Variants in RAB40C observed in about 807,000 individuals in gnomAD.
The protein encoded by RAB40C is ras-related protein Rab-40C.
RAB40C carries 8 observed loss-of-function variants against 28.1 expected under a neutral mutation model. That is an observed-to-expected ratio of 0.28 (90% CI 0.17 to 0.51). The LOEUF (loss-of-function observed/expected upper bound fraction) is 0.51, where lower values mean the gene tolerates loss of function less well. RAB40C is among the 20% of genes least tolerant of loss of function. The pLI, the probability that RAB40C is intolerant of heterozygous loss-of-function variation, is 0.97. For missense variants in RAB40C, 288 were observed against 405.9 expected (o/e 0.71, Z 2.50); for synonymous variants, 201 against 171.7 (o/e 1.17, Z -1.34).
At chr16:591,887 G>A (rs1414093633) in intron 1 of RAB40C, among the ~76,000 whole-genome samples, 2 of 152,196 alleles carry the variant, frequency 1.3e-5, no homozygotes, top group Admixed American at 6.5e-5. Context: ...GAGCCACTGC[G>A]CCTGGCCTGA....
intron 3 of RAB40C, 28 bp downstream of exon 3, chr16:618,288 C>T (rs752766751): frequency 2.1e-5 from 33 of 1,578,770 alleles, no homozygotes; most frequent in Non-Finnish European, 2.8e-5. Context: ...CTTTCCATTG[C>T]TTTTCAAAGG....
At chr16:617,062 C>A (rs2036601333) in intron 1 of RAB40C, 146 bp from the exon 2 acceptor site, 2 of 825,154 alleles carry the variant, frequency 2.4e-6, no homozygotes, top group East Asian at 2.6e-5. Flanking sequence ...CCGAGATTTC[C>A]CCCTGCCCCA....
At chr16:607,794 A>ACG (rs2036394180) in intron 1 of RAB40C, among the ~76,000 whole-genome samples, 3 of 152,220 alleles carry the variant, frequency 2.0e-5, no homozygotes, top group Admixed American at 6.5e-5. Context: ...CCGTCTCAAA[A>ACG]ACGAAAAGAA....
At chr16:623,987 C>T in intron 3 of RAB40C, 1 of 985,438 alleles carries the variant, frequency 1.0e-6, no homozygotes, top group Non-Finnish European at 1.2e-6. Flanking sequence ...TCTTACCTCA[C>T]CTGGGTTGCA....
At chr16:590,999 C>T (rs969361595) in intron 1 of RAB40C, among the ~76,000 whole-genome samples, 3 of 141,780 alleles carry the variant, frequency 2.1e-5, no homozygotes, top group Non-Finnish European at 4.6e-5. Context: ...GCGTCATGGG[C>T]CAAAAGGAAG....
intron 1 of RAB40C, among the ~76,000 whole-genome samples, chr16:608,562 T>G (rs2036414431): frequency 6.6e-6 from 1 of 152,158 alleles, no homozygotes; most frequent in Non-Finnish European, 1.5e-5. Context: ...GGCATTCCCT[T>G]TACCATCCTG....
chr16:626,393 C>T (rs565047835), intron 5 of RAB40C, among the ~76,000 whole-genome samples: 57 of 152,218 alleles, frequency 3.7e-4, no homozygotes, highest in African/African-American at 1.3e-3. Flanking sequence ...GGGTCCCTGG[C>T]ATTGCTGGTG....
At chr16:608,292 A>G (rs568707775) in intron 1 of RAB40C, among the ~76,000 whole-genome samples, 52 of 152,246 alleles carry the variant, frequency 3.4e-4, no homozygotes, top group African/African-American at 1.2e-3. Flanking sequence ...GCAGGGGGGA[A>G]CCACCCCCAT....
intron 1 of RAB40C, among the ~76,000 whole-genome samples, chr16:595,293 C>G (rs562916619): frequency 7.2e-5 from 11 of 152,332 alleles, no homozygotes; most frequent in Admixed American, 3.3e-4. Flanking sequence ...AGCACCACCC[C>G]CACTGTGCAG....
Position 596,702 on chromosome 16 carries a change from TG to T in RAB40C, c.142+6272del, listed in dbSNP as rs1313797013. On this transcript the variant is annotated intron_variant, in intron 1 of 5. Coordinates refer to ENST00000248139, the MANE Select transcript of RAB40C (RefSeq NM_021168.5). Reference sequence around the variant, plus strand: ...CAGGGACCAGAAGTTACGAAGGCGGTGGGAAGAGGAGCAGCTGTGGGAAGAA... The same window carrying T: ...CAGGGACCAGAAGTTACGAAGGCGGTGGAAGAGGAGCAGCTGTGGGAAGAA... 4.6e-5 allele frequency among the ~76,000 whole-genome samples: 7 copies of T among 151,594 alleles called. No homozygotes were observed. The East Asian group carries it at 1.2e-3, about 25-fold the overall frequency.
At chr16:593,236 G>A (rs74848726) in intron 1 of RAB40C, among the ~76,000 whole-genome samples, 158 of 152,368 alleles carry the variant, frequency 1.0e-3, no homozygotes, top group African/African-American at 3.5e-3. Flanking sequence ...GGTGAAGTTG[G>A]TGGATCTGAG....
chr16:597,795 C>T (rs2036161026), intron 1 of RAB40C, among the ~76,000 whole-genome samples: 1 of 151,756 alleles, frequency 6.6e-6, no homozygotes, highest in African/African-American at 2.4e-5. Flanking sequence ...CAGCCCAGCT[C>T]AGCATCTTTG....
chr16:626,292 G>A (rs1014296081), intron 5 of RAB40C, among the ~76,000 whole-genome samples, 171 bp downstream of exon 5: 12 of 152,192 alleles, frequency 7.9e-5, no homozygotes, highest in African/African-American at 1.2e-4. Flanking sequence ...GAGCAGCCTC[G>A]GGGGAGAGGC....
At chr16:625,785 G>A (rs2151082026) in intron 4 of RAB40C, 114 bp from the exon 5 acceptor site, 1 of 1,113,942 alleles carries the variant, frequency 9.0e-7, no homozygotes, top group South Asian at 1.5e-5. Context: ...CGCCCACCTT[G>A]ACCTCCCACG....
At chr16:607,562 G>A (rs2036387446) in intron 1 of RAB40C, among the ~76,000 whole-genome samples, 1 of 151,010 alleles carries the variant, frequency 6.6e-6, no homozygotes, top group Non-Finnish European at 1.5e-5. Context: ...GCAGCACTTT[G>A]GGAGGCCTAG....
At position 629,135 on chromosome 16, in the gene RAB40C, C is replaced by T. The variant is rs2036904038; in HGVS notation, c.*1513C>T. 5.9e-6 allele frequency: 1 copy of T among 169,584 alleles called. No individual in the cohort carries two copies. The allele number at this position is 169,584 out of a possible 1,614,324, so 10.5% of individuals were successfully genotyped here. On this transcript the variant is annotated 3_prime_UTR_variant, in exon 6 of 6. Coordinates refer to ENST00000248139, the MANE Select transcript of RAB40C (RefSeq NM_021168.5). Reference sequence around the variant, plus strand: ...GCCCTTGTTTGGGATTATGAACAAACCTCACAGACTTTGAGGACCTGGATG... The same window carrying T: ...GCCCTTGTTTGGGATTATGAACAAATCTCACAGACTTTGAGGACCTGGATG...
chr16:625,085 G>T (rs979195291), intron 3 of RAB40C: 20 of 1,293,352 alleles, frequency 1.5e-5, no homozygotes, highest in Non-Finnish European at 2.0e-5. Flanking sequence ...CTGGCCGAGA[G>T]GACACTTAGC....
rs111972007 is a variant in RAB40C, at chr16:617,875, C to T, written c.204-325C>T. On this transcript the variant is annotated intron_variant, in intron 2 of 5. Coordinates refer to ENST00000248139, the MANE Select transcript of RAB40C (RefSeq NM_021168.5). ...AAAAAAAAAAAAGCATTTCCCAGAA[C>T]GTCAGCGTTGATGAGACGTGAATGT... Among the ~76,000 whole-genome samples, 13 of 152,224 alleles carry T rather than the reference C, an allele frequency of 8.5e-5. 1 individual carries two copies. The highest frequency in any genetic ancestry group is 2.2e-4 in the African/African-American group (9 of 41,548).
Position 608,641 on chromosome 16 carries a change from A to G in RAB40C, c.143-8567A>G, listed in dbSNP as rs546222948. ...TCCCAGCACTTTAGGAGGCCGAGGC[A>G]GGCAGATCACTTGAGGTCAGGAGTT... On this transcript the variant is annotated intron_variant, in intron 1 of 5. Coordinates refer to ENST00000248139, the MANE Select transcript of RAB40C (RefSeq NM_021168.5). Among the ~76,000 whole-genome samples the G allele has an allele frequency of 4.6e-5, 7 of 152,278 alleles. No homozygotes were observed. In the East Asian group the frequency reaches 1.4e-3, roughly 29 times the overall value.
Sources: allele counts gnomAD v4.1 joint callset (sites outside exome capture counted in the v4.1 genomes callset), GRCh38; gene constraint gnomAD v4.1.1; transcripts MANE v1.5; gene names NCBI Gene and HGNC (gene_info 2026-07-23, HGNC 2026-07-21).